Variants in TRIO observed in about 807,000 individuals in gnomAD.
TRIO encodes trio Rho guanine nucleotide exchange factor, also known as triple functional domain protein.
TRIO carries 58 observed loss-of-function variants against 351.9 expected under a neutral mutation model. The observed-to-expected ratio is 0.16, with a 90% confidence interval of 0.13 to 0.21. The LOEUF (loss-of-function observed/expected upper bound fraction) is 0.21, where lower values mean the gene tolerates loss of function less well. Ranked by LOEUF, TRIO falls within the 10% of genes least tolerant of loss-of-function variation. The pLI is 1.00. For synonymous variants in TRIO, 1,758 were observed against 1,595.7 expected (o/e 1.10, Z -2.42); for missense variants, 3,201 against 4,027.8 (o/e 0.79, Z 5.56).
At chr5:14,233,051 GCAT>G (rs1793546531) in intron 1 of TRIO, among the ~76,000 whole-genome samples, 1 of 152,138 alleles carries the variant, frequency 6.6e-6, no homozygotes, top group East Asian at 1.9e-4. Context: ...GAGTGATTGT[GCAT>G]CAACATGAAG....
chr5:14,460,396 T>A (rs1463003635), intron 34 of TRIO, among the ~76,000 whole-genome samples: 3 of 152,168 alleles, frequency 2.0e-5, no homozygotes, highest in Non-Finnish European at 4.4e-5. Context: ...CTCTGCCACT[T>A]TCCAGTCGCC....
intron 10 of TRIO, among the ~76,000 whole-genome samples, chr5:14,331,488 C>G (rs759080138): frequency 6.6e-6 from 1 of 152,122 alleles, no homozygotes; most frequent in African/African-American, 2.4e-5. Context: ...AGTAACACAG[C>G]AGAGATTCAG....
At chr5:14,351,064 T>G (rs1743042017) in intron 11 of TRIO, among the ~76,000 whole-genome samples, 1 of 152,168 alleles carries the variant, frequency 6.6e-6, no homozygotes, top group Admixed American at 6.5e-5. Context: ...AATGACCACT[T>G]GCCTGCTGCT....
At chr5:14,491,840 G>A (rs1756510535) in intron 48 of TRIO, among the ~76,000 whole-genome samples, 1 of 152,162 alleles carries the variant, frequency 6.6e-6, no homozygotes, top group South Asian at 2.1e-4. Context: ...GGGGCGAGTG[G>A]CACTGGGATG....
At chr5:14,190,289 G>GT (rs1260761193) in intron 1 of TRIO, among the ~76,000 whole-genome samples, 1 of 152,112 alleles carries the variant, frequency 6.6e-6, no homozygotes, top group African/African-American at 2.4e-5. Flanking sequence ...GCCATTCAGT[G>GT]AGTCAGGAGT....
chr5:14,233,693 A>G (rs1454540266), intron 1 of TRIO, among the ~76,000 whole-genome samples: 1 of 152,092 alleles, frequency 6.6e-6, no homozygotes, highest in Non-Finnish European at 1.5e-5. Flanking sequence ...ATGCACCACC[A>G]CGCCTGGCTA....
intron 1 of TRIO, among the ~76,000 whole-genome samples, chr5:14,234,844 A>G (rs1000552761): frequency 6.6e-6 from 1 of 152,244 alleles, no homozygotes; most frequent in Non-Finnish European, 1.5e-5. Context: ...ACTTATTTTA[A>G]AATTTTCATC....
chr5:14,379,821 G>A (rs1215810605), intron 20 of TRIO, among the ~76,000 whole-genome samples: 1 of 152,204 alleles, frequency 6.6e-6, no homozygotes, highest in South Asian at 2.1e-4. Context: ...TGCTGTTGCA[G>A]GTGGTGCCCC....
chr5:14,374,199 A>G, intron 18 of TRIO, 30 bp from the exon 19 acceptor site: 1 of 1,583,266 alleles, frequency 6.3e-7, no homozygotes. Context: ...AAGTCAAATT[A>G]GCAACACATT....
chr5:14,458,556 G>A (rs1453942119), intron 34 of TRIO, among the ~76,000 whole-genome samples: 1 of 152,202 alleles, frequency 6.6e-6, no homozygotes, highest in Non-Finnish European at 1.5e-5. Flanking sequence ...ACTGTGTGCT[G>A]AGTCACATGG....
chr5:14,415,824 C>T (rs1280305086), intron 33 of TRIO, among the ~76,000 whole-genome samples: 1 of 151,892 alleles, frequency 6.6e-6, no homozygotes, highest in Non-Finnish European at 1.5e-5. Context: ...GGTCCCTGGC[C>T]CCTGGTCCAA....
At chr5:14,328,273 T>A (rs1740579894) in intron 9 of TRIO, among the ~76,000 whole-genome samples, 1 of 152,174 alleles carries the variant, frequency 6.6e-6, no homozygotes, top group African/African-American at 2.4e-5. Context: ...AATGCACTAC[T>A]TAAAACAATG....
intron 48 of TRIO, 86 bp downstream of exon 48, chr5:14,488,346 C>T: frequency 6.8e-7 from 1 of 1,478,168 alleles, no homozygotes; most frequent in Non-Finnish European, 9.0e-7. Context: ...TTCTCACTAA[C>T]TCGGCTGCCC....
intron 1 of TRIO, among the ~76,000 whole-genome samples, chr5:14,259,493 A>G (rs775923328): frequency 4.6e-5 from 7 of 152,196 alleles, no homozygotes; most frequent in Non-Finnish European, 1.0e-4. Context: ...CTCATTAGCA[A>G]TTCAGTAGGA....
At position 14,364,819 on chromosome 5, in the gene TRIO, G is replaced by T. The variant is rs1744454622; in HGVS notation, c.2754+3G>T. ...ACCTGCAGGCAGAAGTGAAACAGGT[G>T]AGCAAACGACTGGATGCTTGGGGAG... is the stretch of plus-strand genomic sequence containing the variant. On this transcript the variant is annotated splice_donor_region_variant and intron_variant, in intron 15 of 56. Transcript: ENST00000344204. 1 of 1,607,234 alleles carries T rather than the reference G, an allele frequency of 6.2e-7. No homozygotes were observed. The highest frequency in any genetic ancestry group is 1.3e-5 in the African/African-American group (1 of 74,666).
At chr5:14,277,278 T>A (rs1433879948) in intron 2 of TRIO, among the ~76,000 whole-genome samples, 1 of 152,344 alleles carries the variant, frequency 6.6e-6, no homozygotes, top group South Asian at 2.1e-4. Flanking sequence ...TAGGAGAGGA[T>A]GCAGGTTTAT....
At position 14,507,190 on chromosome 5, in the gene TRIO, C is replaced by T. The variant is rs200337620; in HGVS notation, c.8681C>T (p.Ala2894Val). The T allele has an allele frequency of 1.2e-5, 20 of 1,612,144 alleles. No individual in the cohort carries two copies. The highest frequency in any genetic ancestry group is 5.3e-5 in the African/African-American group (4 of 74,864). ...AGCCTCACTGAAGGGAAGATCAGGG[C>T]GCACCTGGGGGAGGTTCTGGAAGCT... ...WGSLTEGKIR[A>V]HLGEVLEAVR... The change falls in exon 56 of 57, where the codon GCG (alanine) becomes GTG (valine). Residue 2894 changes from alanine (A) to valine (V), a missense_variant. By Grantham distance (64) the Ala-to-Val change is moderately conservative. Transcript: ENST00000344204.
chr5:14,217,807 G>T (rs532508818), intron 1 of TRIO, among the ~76,000 whole-genome samples: 1 of 152,302 alleles, frequency 6.6e-6, no homozygotes, highest in East Asian at 1.9e-4. Context: ...GGGGCAGTGT[G>T]TGTGGGCATT....
intron 1 of TRIO, among the ~76,000 whole-genome samples, chr5:14,191,098 C>T (rs996349690): frequency 1.3e-5 from 2 of 152,298 alleles, no homozygotes; most frequent in Middle Eastern, 3.4e-3. Context: ...CATGGTGGCT[C>T]GCACTGTGTT....
Sources: gnomAD v4.1 joint callset for allele counts (sites outside exome capture counted in the v4.1 genomes callset) on GRCh38, gnomAD v4.1.1 for gene constraint, MANE v1.5 for transcripts, NCBI Gene and HGNC (gene_info 2026-07-23, HGNC 2026-07-21) for gene names.